GPHN: variants seen among roughly 807,000 people sequenced by gnomAD.
GPHN encodes gephyrin.
Under a neutral mutation model 95.5 loss-of-function variants are expected in GPHN, and 17 were observed. That is an observed-to-expected ratio of 0.18 (90% CI 0.12 to 0.27). The LOEUF (loss-of-function observed/expected upper bound fraction) is 0.27, where lower values mean the gene tolerates loss of function less well. GPHN is among the 10% of genes least tolerant of loss of function. The pLI is 1.00. For missense variants in GPHN, 660 were observed against 978.1 expected (o/e 0.67, Z 4.34); for synonymous variants, 320 against 322.5 (o/e 0.99, Z 0.08).
At chr14:67,620,418 G>A in the GPHN span, among the ~76,000 whole-genome samples, 1 of 152,106 alleles carries the variant, frequency 6.6e-6, no homozygotes, top group Non-Finnish European at 1.5e-5. Context: ...CCTTGGAGGG[G>A]CTGGAGGAGG....
intron 2 of GPHN, among the ~76,000 whole-genome samples, chr14:66,713,308 T>G (rs780149645): frequency 1.3e-5 from 2 of 152,232 alleles, no homozygotes; most frequent in African/African-American, 4.8e-5. Flanking sequence ...ATTTGATTTT[T>G]GTGTAAGGTG....
At chr14:66,550,639 A>G (rs1379917354) in intron 1 of GPHN, among the ~76,000 whole-genome samples, 1 of 152,218 alleles carries the variant, frequency 6.6e-6, no homozygotes. Context: ...CCTGCTACAG[A>G]TAAATATTTT....
chr14:67,240,068 A>G, the GPHN span, among the ~76,000 whole-genome samples: 2 of 152,184 alleles, frequency 1.3e-5, no homozygotes, highest in African/African-American at 2.4e-5. Context: ...TTCGAAGCCT[A>G]CTGAGAAATT....
intron 6 of GPHN, among the ~76,000 whole-genome samples, chr14:66,921,716 A>C (rs2066226448): frequency 6.6e-6 from 1 of 152,160 alleles, no homozygotes; most frequent in East Asian, 1.9e-4. Context: ...ACAATTCTGA[A>C]ATTCATATGG....
intron 12 of GPHN, among the ~76,000 whole-genome samples, chr14:67,098,638 CG>C (rs2077526491): frequency 1.3e-5 from 2 of 151,968 alleles, no homozygotes; most frequent in Admixed American, 6.6e-5. Context: ...GATGAAACCC[CG>C]TCTCTACTAA....
intron 1 of GPHN, among the ~76,000 whole-genome samples, chr14:66,509,581 T>C (rs1434170409): frequency 6.6e-6 from 1 of 152,146 alleles, no homozygotes; most frequent in Non-Finnish European, 1.5e-5. Context: ...GTTTCTGCTG[T>C]GGTTCTGTAA....
the GPHN span, among the ~76,000 whole-genome samples, chr14:67,244,513 G>C: frequency 6.6e-6 from 1 of 152,168 alleles, no homozygotes; most frequent in Non-Finnish European, 1.5e-5. Flanking sequence ...ATGAAATGAA[G>C]TTAACTTTTC....
chr14:66,539,602 C>T (rs1461912904), intron 1 of GPHN, among the ~76,000 whole-genome samples: 2 of 121,256 alleles, frequency 1.6e-5, no homozygotes, highest in South Asian at 2.6e-4. Context: ...TTGGTAGAGA[C>T]GGGTGTTGGT....
chr14:66,639,545 A>G, intron 1 of GPHN, among the ~76,000 whole-genome samples: 1 of 152,152 alleles, frequency 6.6e-6, no homozygotes, highest in Non-Finnish European at 1.5e-5. Context: ...CTTCTGCAAT[A>G]TAAAATGACT....
intron 1 of GPHN, among the ~76,000 whole-genome samples, chr14:66,678,503 A>G (rs556995435): frequency 3.4e-5 from 5 of 148,674 alleles, no homozygotes; most frequent in Non-Finnish European, 6.0e-5. Context: ...TGATTTATGT[A>G]TATTTTCTAT....
the GPHN span, chr14:67,573,831 G>T: frequency 6.2e-7 from 1 of 1,613,764 alleles, no homozygotes; most frequent in Non-Finnish European, 8.5e-7. This position sits in a 1 kb window ranked among gnomAD's most constrained non-coding sequence, Gnocchi z 4.8. Flanking sequence ...TCAAGGCCAA[G>T]TGGATCTGAA....
At chr14:66,525,210 A>G (rs978625192) in intron 1 of GPHN, among the ~76,000 whole-genome samples, 1 of 152,144 alleles carries the variant, frequency 6.6e-6, no homozygotes, top group African/African-American at 2.4e-5. Flanking sequence ...AGATGGTATC[A>G]CATTGTGGTT....
chr14:66,872,765 C>T (rs866599183), intron 4 of GPHN, among the ~76,000 whole-genome samples: 3 of 151,676 alleles, frequency 2.0e-5, no homozygotes, highest in African/African-American at 4.8e-5. Context: ...CATGGTGGTG[C>T]GCACCTGTAA....
intron 1 of GPHN, among the ~76,000 whole-genome samples, chr14:66,679,788 A>G (rs927725566): frequency 6.6e-6 from 1 of 152,168 alleles, no homozygotes; most frequent in Non-Finnish European, 1.5e-5. Context: ...TTTAATTTTT[A>G]AAATAGATTT....
the GPHN span, chr14:67,387,320 A>C: frequency 6.2e-7 from 1 of 1,606,948 alleles, no homozygotes; most frequent in African/African-American, 1.3e-5. Flanking sequence ...TGGTTCCCTC[A>C]GGTCCTTGTC....
At chr14:66,708,113 G>A (rs1228199295) in intron 2 of GPHN, among the ~76,000 whole-genome samples, 1 of 151,970 alleles carries the variant, frequency 6.6e-6, no homozygotes, top group Non-Finnish European at 1.5e-5. Context: ...ATTCATAAAA[G>A]TGCTCAGTAT....
At chr14:67,680,374 C>T in the GPHN span, among the ~76,000 whole-genome samples, 5 of 152,200 alleles carry the variant, frequency 3.3e-5, no homozygotes, top group Non-Finnish European at 5.9e-5. Context: ...GTGCCTTATA[C>T]TCTTCATAAG....
intron 2 of GPHN, among the ~76,000 whole-genome samples, chr14:66,726,965 A>G (rs1332457895): frequency 6.6e-6 from 1 of 152,154 alleles, no homozygotes; most frequent in African/African-American, 2.4e-5. Flanking sequence ...GTCTTATATG[A>G]TTTGGCTGTG....
At chr14:66,968,205 A>C (rs2069485688) in intron 9 of GPHN, among the ~76,000 whole-genome samples, 1 of 152,008 alleles carries the variant, frequency 6.6e-6, no homozygotes, top group Admixed American at 6.6e-5. Flanking sequence ...CGGGGTTTCA[A>C]ATTTGAGATA....
Sources: allele counts gnomAD v4.1 joint callset (sites outside exome capture counted in the v4.1 genomes callset), GRCh38; gene constraint gnomAD v4.1.1; non-coding constraint Gnocchi (gnomAD v3.1); transcripts MANE v1.5; gene names NCBI Gene and HGNC (gene_info 2026-07-23, HGNC 2026-07-21).